Variants in TEAD3 observed in about 807,000 individuals in gnomAD.
TEAD3 encodes the protein transcriptional enhancer factor TEF-5.
TEAD3 carries 15 observed loss-of-function variants against 55.6 expected under a neutral mutation model. The observed-to-expected ratio is 0.27, with a 90% CI of 0.18 to 0.42. TEAD3 has a LOEUF of 0.42. Ranked by LOEUF, TEAD3 falls within the 10% of genes least tolerant of loss-of-function variation. The pLI is 1.00. For missense variants in TEAD3, 407 were observed against 576.8 expected (o/e 0.71, Z 3.01); for synonymous variants, 210 against 232.2 (o/e 0.90, Z 0.87).
chr6:35,475,165 G>A lies in TEAD3; in HGVS notation c.1195-8C>T, dbSNP rs1028318634. On this transcript the variant is annotated splice_region_variant and splice_polypyrimidine_tract_variant and intron_variant, in intron 12 of 12. Transcript: ENST00000639578. The surrounding 1 kb of genome is among the most constrained non-coding windows in gnomAD (Gnocchi z 5.4). Reference sequence around the variant, plus strand: ...GTCCCGGCTCGTGACCACCTGGGGGGTGAGCAGGTAAGAGATTCAGGAGGT... The same window carrying A: ...GTCCCGGCTCGTGACCACCTGGGGGATGAGCAGGTAAGAGATTCAGGAGGT... 2.5e-6 allele frequency: 4 copies of A among 1,573,776 alleles called. No homozygotes were observed. Among genetic ancestry groups the A allele is most frequent in the African/African-American group, 2.7e-5 (2 of 73,920 alleles).
chr6:35,475,077 G>A lies in TEAD3; in HGVS notation c.1275C>T (p.Ala425=). ...TGACGAGCTTGTAGACATGGTGCTG[G>A]GCCCCGTGCTCACTGGTGGAGACTT... The change falls in exon 13 of 13, where the codon GCC becomes GCT. Residue 425 remains alanine (A), a synonymous_variant. Transcript: ENST00000639578. The surrounding 1 kb of genome is among the most constrained non-coding windows in gnomAD (Gnocchi z 5.4). The A allele has an allele frequency of 7.5e-6, 12 of 1,597,302 alleles. No homozygotes were observed. Among genetic ancestry groups the A allele is most frequent in the Non-Finnish European group, 1.0e-5 (12 of 1,171,526 alleles).
intron 1 of TEAD3, among the ~76,000 whole-genome samples, chr6:35,494,615 C>G (rs1008849379): frequency 6.6e-6 from 1 of 152,156 alleles, no homozygotes; most frequent in Non-Finnish European, 1.5e-5. Flanking sequence ...GACCTCCTAG[C>G]CCCTTCACAG....
rs879549399 is a variant in TEAD3, at chr6:35,475,211, GGCA to G, written c.1195-57_1195-55del. ...GAGGTCAGGGAGAAAAGGGCCACGG[GGCA>G]GGGGGCTGAACAGACCATTCTCCTT... On this transcript the variant is annotated intron_variant, in intron 12 of 12. Transcript: ENST00000639578. The surrounding 1 kb of genome is among the most constrained non-coding windows in gnomAD (Gnocchi z 5.4). 2.9e-5 allele frequency: 45 copies of G among 1,572,404 alleles called. No homozygotes were observed. The Admixed American group carries it at 8.4e-4, about 29-fold the overall frequency.
chr6:35,488,791 TCTG>T lies in TEAD3; in HGVS notation c.-49-2083_-49-2081del, dbSNP rs1284058826. Among the ~76,000 whole-genome samples, 1 of 152,236 alleles carries T rather than the reference TCTG, an allele frequency of 6.6e-6. No individual in the cohort carries two copies. Among genetic ancestry groups the T allele is most frequent in the East Asian group, 1.9e-4 (1 of 5,194 alleles). The stretch of plus-strand genomic sequence containing the variant: ...CAGGCTAGAGTGCAATGGCGCGATC[TCTG>T]CTCACCGCAACCTCCACCTCCTGGG... On this transcript the variant is annotated intron_variant, in intron 1 of 12. Transcript: ENST00000639578. This position sits in a 1 kb window ranked among gnomAD's most constrained non-coding sequence, Gnocchi z 4.2.
At chr6:35,473,915 A>C (rs1768087244), downstream of TEAD3, 1 of 152,486 alleles carries the variant, frequency 6.6e-6, no homozygotes, top group Non-Finnish European at 1.5e-5. Flanking sequence ...GGACAGGCCC[A>C]GCTGGCTCTG....
downstream of TEAD3, chr6:35,474,767 A>C (rs1768105708): frequency 5.0e-5 from 20 of 402,060 alleles, no homozygotes; most frequent in South Asian, 6.1e-4. Flanking sequence ...CACCTCTCTG[A>C]GGTCACGCGA....
chr6:35,486,355 C>G lies in TEAD3; in HGVS notation c.202+106G>C. The G allele has an allele frequency of 7.4e-7, 1 of 1,352,526 alleles. No homozygotes were observed. The highest frequency in any genetic ancestry group is 1.4e-5 in the South Asian group (1 of 70,922). 83.8% of individuals were successfully genotyped at this position (1,352,526 alleles called of 1,614,324 possible). ...ACACACAGGCTTGCGCGCCCAGACT[C>G]GCCCGGCCAGCGGCTGGCGGCCTCC... On this transcript the variant is annotated intron_variant, in intron 2 of 12. Transcript: ENST00000639578. This position sits in a 1 kb window ranked among gnomAD's most constrained non-coding sequence, Gnocchi z 7.3.
At chr6:35,481,888 T>C (rs1205377229) in intron 3 of TEAD3, among the ~76,000 whole-genome samples, 1 of 152,244 alleles carries the variant, frequency 6.6e-6, no homozygotes, top group Non-Finnish European at 1.5e-5. Context: ...TCTAACTTAA[T>C]ATTTAGCTCT....
rs369458032 is a variant in TEAD3, at chr6:35,476,303, G to A, written c.725C>T (p.Thr242Met). 39 of 1,611,868 alleles carry A rather than the reference G, an allele frequency of 2.4e-5. 1 individual carries two copies. The South Asian group carries it at 3.4e-4, about 14-fold the overall frequency. The change falls in exon 9 of 13, where the codon ACG becomes ATG. Residue 242 changes from threonine to methionine, a missense_variant and splice_region_variant. By Grantham distance (81) the Thr-to-Met change is moderately conservative. Transcript: ENST00000639578. ...CACCCTCACCCCCAAACACGTTACC[G>A]TGTCAGGGTCTCGCTGCACCTCCAT... is the stretch of plus-strand genomic sequence containing the variant.
At chr6:35,474,803 G>T, downstream of TEAD3, 1 of 494,030 alleles carries the variant, frequency 2.0e-6, no homozygotes, top group Middle Eastern at 5.5e-4. Context: ...GGTGATGGTG[G>T]GTCAGCGCCC....
chr6:35,474,971 C>T (rs545093465), exon 13 of TEAD3: 7 of 1,316,768 alleles, frequency 5.3e-6, no homozygotes, highest in Non-Finnish European at 7.2e-6. Flanking sequence ...AATCCTGGAC[C>T]CCCCCAGGGG....
At chr6:35,478,561 G>C in exon 6 of TEAD3, 1 of 1,591,896 alleles carries the variant, frequency 6.3e-7, no homozygotes, top group Non-Finnish European at 8.6e-7. Context: ...TTTGTCCTTG[G>C]AGACCTGGTC....
rs775961098 is a variant in TEAD3 at position 35,486,749 on chromosome 6, T to G, written c.-49-38A>C. On this transcript the variant is annotated intron_variant, in intron 1 of 12. Transcript: ENST00000639578. The surrounding 1 kb of genome is among the most constrained non-coding windows in gnomAD (Gnocchi z 7.3). ...CAGACAGGAACTGGGACCAGGGTCC[T>G]CCTCGACCACAGCAATCTCCTATCC... is the stretch of plus-strand genomic sequence containing the variant. The G allele has an allele frequency of 6.9e-7, 1 of 1,439,404 alleles. No homozygotes were observed. The highest frequency in any genetic ancestry group is 1.9e-5 in the Admixed American group (1 of 53,904). The allele number at this position is 1,439,404 out of a possible 1,614,324, so 89.2% of individuals were successfully genotyped here.
chr6:35,487,145 C>T (rs1370972594), intron 1 of TEAD3, among the ~76,000 whole-genome samples: 2 of 152,298 alleles, frequency 1.3e-5, no homozygotes, highest in East Asian at 1.9e-4. Context: ...ACTAGGCCGG[C>T]GCGATGGCTC....
At chr6:35,497,031 G>A (rs1044752646) in exon 1 of TEAD3, 1 of 151,780 alleles carries the variant, frequency 6.6e-6, no homozygotes, top group Non-Finnish European at 1.5e-5. Context: ...GCTGGAGCGG[G>A]AGGCGCCGAG....
rs114499938 is a variant in TEAD3 at position 35,488,862 on chromosome 6, C to A, written c.-49-2151G>T. On this transcript the variant is annotated intron_variant, in intron 1 of 12. Transcript: ENST00000639578. The surrounding 1 kb of genome is among the most constrained non-coding windows in gnomAD (Gnocchi z 4.2). ...CCTCAGACTCCCATGCAGCCTCCCC[C>A]CTCAGCATGGTGGCACGCACCTGTA... Among the ~76,000 whole-genome samples the A allele has an allele frequency of 6.6e-6, 1 of 152,082 alleles. No homozygotes were observed. Among genetic ancestry groups the A allele is most frequent in the Non-Finnish European group, 1.5e-5 (1 of 67,992 alleles).
intron 3 of TEAD3, among the ~76,000 whole-genome samples, chr6:35,482,027 C>T (rs1230882355): frequency 6.6e-6 from 1 of 152,228 alleles, no homozygotes; most frequent in Non-Finnish European, 1.5e-5. Context: ...CTCTGTCACC[C>T]AGGCTAGAGT....
At chr6:35,490,299 G>A (rs1014601654) in intron 1 of TEAD3, among the ~76,000 whole-genome samples, 4 of 152,166 alleles carry the variant, frequency 2.6e-5, no homozygotes, top group Admixed American at 2.0e-4. Context: ...CTGGGGGGGC[G>A]GGGCAGGCGG....
chr6:35,490,386 T>C (rs960750115), intron 1 of TEAD3, among the ~76,000 whole-genome samples: 4 of 151,740 alleles, frequency 2.6e-5, no homozygotes, highest in African/African-American at 4.8e-5. Context: ...AAGGAGAGAA[T>C]AGGACCACCG....
Sources: allele counts gnomAD v4.1 joint callset (sites outside exome capture counted in the v4.1 genomes callset), GRCh38; gene constraint gnomAD v4.1.1; non-coding constraint Gnocchi (gnomAD v3.1); transcripts MANE v1.5; gene names NCBI Gene and HGNC (gene_info 2026-07-23, HGNC 2026-07-21).